TPO: variants seen among roughly 807,000 people sequenced by gnomAD.
The protein encoded by TPO is thyroid peroxidase, also known as thyroid microsomal antigen.
A neutral mutation model predicts 96.9 loss-of-function variants in TPO; 78 were observed. That is an observed-to-expected ratio of 0.81 (90% CI 0.67 to 0.97). The LOEUF (loss-of-function observed/expected upper bound fraction) is 0.97, where lower values mean the gene tolerates loss of function less well. Ranked by LOEUF, TPO falls within the 50% of genes least tolerant of loss-of-function variation. The pLI is 0.00. For synonymous variants in TPO, 547 were observed against 538.0 expected (o/e 1.02, Z -0.23); for missense variants, 1,252 against 1,274.8 (o/e 0.98, Z 0.27).
intron 7 of TPO, among the ~76,000 whole-genome samples, chr2:1,471,072 A>G (rs554669513): frequency 9.5e-4 from 144 of 152,326 alleles, no homozygotes; most frequent in Non-Finnish European, 2.4e-4. Flanking sequence ...TGCTGCACCT[A>G]TTTGGGTGTT....
At chr2:1,499,498 G>T (rs1009723567) in intron 13 of TPO, among the ~76,000 whole-genome samples, 9 of 152,156 alleles carry the variant, frequency 5.9e-5, no homozygotes, top group African/African-American at 2.2e-4. Flanking sequence ...GGCATGGTGC[G>T]TGCACAGCAG....
At chr2:1,493,067 C>T (rs546397083) in intron 10 of TPO, among the ~76,000 whole-genome samples, 7 of 152,008 alleles carry the variant, frequency 4.6e-5, no homozygotes, top group Admixed American at 1.3e-4. Context: ...GCAGCTGAGG[C>T]GTGGGTCAGT....
At position 1,438,215 on chromosome 2, in the gene TPO, C is replaced by T. The variant is rs115777226; in HGVS notation, c.482+1831C>T. On this transcript the variant is annotated intron_variant, in intron 5 of 16. Coordinates refer to ENST00000329066, the MANE Select transcript of TPO (RefSeq NM_001206744.2). Reference sequence around the variant, plus strand: ...GACAGTGGCGTTGGAGATGTGGGGGCGGGGCTGCTCTCTGAATGGGTTTCA... The same window carrying T: ...GACAGTGGCGTTGGAGATGTGGGGGTGGGGCTGCTCTCTGAATGGGTTTCA... 3.6e-3 allele frequency among the ~76,000 whole-genome samples: 538 copies of T among 151,130 alleles called. 6 individuals are homozygous for T. Among genetic ancestry groups the T allele is most frequent in the African/African-American group, 0.013 (524 of 41,036 alleles).
At chr2:1,468,268 GT>G (rs1327895588) in intron 7 of TPO, among the ~76,000 whole-genome samples, 1 of 151,916 alleles carries the variant, frequency 6.6e-6, no homozygotes, top group Non-Finnish European at 1.5e-5. Flanking sequence ...GATTTTGCTG[GT>G]TTTTTTAATT....
rs577405622 is a variant in TPO at position 1,527,307 on chromosome 2, C to T, written c.2618+10325C>T. Among the ~76,000 whole-genome samples the T allele has an allele frequency of 6.6e-3, 937 of 141,792 alleles. 27 individuals carry two copies. The highest frequency in any genetic ancestry group is 0.024 in the African/African-American group (885 of 36,722). 93.0% of individuals were successfully genotyped at this position (141,792 alleles called of 152,430 possible). On this transcript the variant is annotated intron_variant, in intron 15 of 16. Transcript: ENST00000329066. ...CAAATCCCCTCACTGTGTAACCTCC[C>T]CAAATCCCCTCACTGTGTAACCTCC...
chr2:1,512,177 G>C (rs574352523), intron 14 of TPO, among the ~76,000 whole-genome samples: 35 of 152,256 alleles, frequency 2.3e-4, no homozygotes, highest in African/African-American at 8.2e-4. Flanking sequence ...GGGACTACAG[G>C]CGCCCGCCAC....
At chr2:1,463,047 A>G (rs1256430624) in intron 7 of TPO, among the ~76,000 whole-genome samples, 1 of 152,248 alleles carries the variant, frequency 6.6e-6, no homozygotes, top group East Asian at 1.9e-4. Flanking sequence ...AAAAATAACA[A>G]TAAAATTATT....
Position 1,494,012 on chromosome 2 carries a change from A to AGAT in TPO, c.1982_1984dup (p.Met661dup), listed in dbSNP as rs1672074710. On this transcript the variant is annotated inframe_insertion, in exon 11 of 17. Coordinates refer to ENST00000329066, the MANE Select transcript of TPO (RefSeq NM_001206744.2). ...CTGTTTGCCTGTCTCATTGGGAAGC[A>AGAT]GATGAAGGCTCTGCGGGACGGTGAC... 6.2e-7 allele frequency: 1 copy of AGAT among 1,614,048 alleles called. No homozygotes were observed. Among genetic ancestry groups the AGAT allele is most frequent in the African/African-American group, 1.3e-5 (1 of 74,932 alleles).
chr2:1,478,179 C>T (rs1248343821), intron 8 of TPO: 1 of 985,428 alleles, frequency 1.0e-6, no homozygotes, highest in Non-Finnish European at 1.2e-6. Context: ...TCTTAAGTAT[C>T]ACATGAGAGG....
intron 1 of TPO, among the ~76,000 whole-genome samples, chr2:1,400,568 C>CAAAAAAAAAAAAAAAAAAAAAAAAAAA (rs34242408): frequency 5.6e-5 from 4 of 71,606 alleles, no homozygotes; most frequent in African/African-American, 2.2e-4. Flanking sequence ...GACTCTGTCT[C>CAAAAAAAAAAAAAAAAAAAAAAAAAAA]AAAAAAAAAA....
At chr2:1,455,989 C>T (rs1667747074) in intron 6 of TPO, 87 bp from the exon 7 acceptor site, 1 of 1,364,082 alleles carries the variant, frequency 7.3e-7, no homozygotes. Flanking sequence ...ACAAGAACCA[C>T]ACCAGGAAGT....
intron 16 of TPO, chr2:1,541,423 ACATAGCTCACT>A (rs1376549888): frequency 6.1e-6 from 1 of 164,738 alleles, no homozygotes; most frequent in Admixed American, 5.8e-5. Flanking sequence ...AGTGGCACAA[ACATAGCTCACT>A]GCAGCTTCGA....
chr2:1,475,686 TTGCTGGGCGCCCACCTCAGCCTCCCAAAG>T (rs913011725), intron 7 of TPO, among the ~76,000 whole-genome samples: 13 of 152,176 alleles, frequency 8.5e-5, no homozygotes, highest in Non-Finnish European at 1.8e-4. Flanking sequence ...GCCTCCCAAA[TTGCTGGGCGCCCACCTCAGCCTCCCAAAG>T]TGCTGGGATT....
chr2:1,503,903 G>GT, intron 13 of TPO, 45 bp from the exon 14 acceptor site: 1 of 1,614,032 alleles, frequency 6.2e-7, no homozygotes, highest in South Asian at 1.1e-5. Context: ...GGAGATGGGG[G>GT]TGCAGCCGCT....
intron 9 of TPO, among the ~76,000 whole-genome samples, chr2:1,486,425 A>T (rs1029705400): frequency 2.6e-5 from 4 of 152,118 alleles, no homozygotes; most frequent in African/African-American, 9.6e-5. Flanking sequence ...GTAGTCAGCT[A>T]CTCAGGAGGC....
chr2:1,538,849 A>G (rs985585280), intron 15 of TPO, among the ~76,000 whole-genome samples: 7 of 152,176 alleles, frequency 4.6e-5, no homozygotes, highest in African/African-American at 1.7e-4. Context: ...CTCCCCCCGA[A>G]GGTTGGAAGG....
At chr2:1,501,132 G>C (rs2124980437) in intron 13 of TPO, among the ~76,000 whole-genome samples, 1 of 151,558 alleles carries the variant, frequency 6.6e-6, no homozygotes, top group Admixed American at 6.6e-5. Context: ...AATGCTTTGT[G>C]CATATTATGG....
intron 1 of TPO, among the ~76,000 whole-genome samples, chr2:1,386,852 G>T (rs940735185): frequency 4.6e-5 from 7 of 152,146 alleles, no homozygotes; most frequent in Non-Finnish European, 8.8e-5. Context: ...GCTGGTACCA[G>T]TTGTTCCTTT....
intron 1 of TPO, among the ~76,000 whole-genome samples, chr2:1,387,929 G>A (rs1258856775): frequency 6.6e-6 from 1 of 152,216 alleles, no homozygotes; most frequent in East Asian, 1.9e-4. Flanking sequence ...CCCTCTAACA[G>A]ACAGGACCCT....
Sources: allele counts gnomAD v4.1 joint callset (sites outside exome capture counted in the v4.1 genomes callset), GRCh38; gene constraint gnomAD v4.1.1; transcripts MANE v1.5; gene names NCBI Gene and HGNC (gene_info 2026-07-23, HGNC 2026-07-21).